The following PPARA variants were observed in gnomAD, a reference collection of about 807,000 sequenced individuals.
The protein encoded by PPARA is peroxisome proliferator-activated receptor alpha.
Under a neutral mutation model 42.2 loss-of-function variants are expected in PPARA, and 22 were observed. The ratio of observed to expected loss-of-function variants is 0.52; its 90% CI spans 0.37 to 0.74. The LOEUF (loss-of-function observed/expected upper bound fraction) is 0.74. Among genes scored for constraint, PPARA ranks in the 30% least tolerant of loss-of-function variants. The pLI is 0.00. For missense variants in PPARA, 465 were observed against 608.2 expected, an observed-to-expected ratio of 0.76 and a Z score of 2.48; for synonymous variants, 242 against 239.3, an observed-to-expected ratio of 1.01 and a Z score of -0.10.
chr22:46,217,244 C>T (rs938973171), intron 5 of PPARA, among the ~76,000 whole-genome samples: 5 of 152,172 alleles, frequency 3.3e-5, no homozygotes, highest in African/African-American at 1.2e-4. Flanking sequence ...TGTCCCTCTC[C>T]CGCGGGCCAA....
intron 3 of PPARA, among the ~76,000 whole-genome samples, chr22:46,197,932 T>A (rs1341170021): frequency 1.4e-5 from 2 of 145,768 alleles, no homozygotes; most frequent in Non-Finnish European, 3.0e-5. Context: ...AAAATTAAAA[T>A]TTAAAATTAA....
At position 46,211,650 on chromosome 22, in the gene PPARA, G is replaced by A. The variant is rs1046399417; in HGVS notation, c.209-3523G>A. On this transcript the variant is annotated intron_variant, in intron 4 of 8. Transcript: ENST00000407236. The surrounding 1 kb of genome is among the most constrained non-coding windows in gnomAD (Gnocchi z 4.1). ...AAGTTCTGTGGGTTTTCACAAATGC[G>A]TAGTGTCATGTATCCACCACTACAT... 3.9e-5 allele frequency among the ~76,000 whole-genome samples: 6 copies of A among 152,132 alleles called. No individual in the cohort carries two copies. Among genetic ancestry groups the A allele is most frequent in the African/African-American group, 7.2e-5 (3 of 41,438 alleles).
Position 46,167,488 on chromosome 22 carries a change from C to T in PPARA, c.-126-9265C>T, listed in dbSNP as rs1050943314. On this transcript the variant is annotated intron_variant, in intron 2 of 8. Coordinates refer to ENST00000407236, the MANE Select transcript of PPARA (RefSeq NM_005036.6). This position sits in a 1 kb window ranked among gnomAD's most constrained non-coding sequence, Gnocchi z 4.1. ...GCAACATAGCGAAACACCGTCTCTACAAAAAAATGAAAAAATTAGTTGAGC... is the reference window on the plus strand; with the variant it reads ...GCAACATAGCGAAACACCGTCTCTATAAAAAAATGAAAAAATTAGTTGAGC... Among the ~76,000 whole-genome samples the T allele has an allele frequency of 6.6e-6, 1 of 151,492 alleles. No individual in the cohort carries two copies. The highest frequency in any genetic ancestry group is 1.5e-5 in the Non-Finnish European group (1 of 67,884).
intron 7 of PPARA, chr22:46,220,457 G>T: frequency 4.0e-6 from 1 of 252,914 alleles, no homozygotes; most frequent in South Asian, 4.4e-5. Context: ...TGGGACTACA[G>T]GTGTGCACCA....
At chr22:46,159,410 C>T (rs1197905193) in intron 2 of PPARA, among the ~76,000 whole-genome samples, 4 of 152,134 alleles carry the variant, frequency 2.6e-5, no homozygotes. Flanking sequence ...GTACGATTGT[C>T]GTTTTTTTCC....
At chr22:46,186,887 G>C (rs917713548) in intron 3 of PPARA, among the ~76,000 whole-genome samples, 5 of 151,998 alleles carry the variant, frequency 3.3e-5, no homozygotes, top group African/African-American at 1.2e-4. Context: ...GCATACCTAT[G>C]ATAAAGTTTA....
rs1033275564 is a variant in PPARA at position 46,233,301 on chromosome 22, C to T, written c.1159+1062C>T. Among the ~76,000 whole-genome samples, 1 of 152,186 alleles carries T rather than the reference C, an allele frequency of 6.6e-6. No homozygotes were observed. The highest frequency in any genetic ancestry group is 1.5e-5 in the Non-Finnish European group (1 of 68,032). ...TCCCAGGGAAGGCCGATCTGGTCCT[C>T]TCTGTGGAAGCTGGCTCTGCAGCCT... On this transcript the variant is annotated intron_variant, in intron 8 of 8. Transcript: ENST00000407236. The surrounding 1 kb of genome is among the most constrained non-coding windows in gnomAD (Gnocchi z 7.3).
At chr22:46,198,192 T>C (rs8135547) in intron 3 of PPARA, 150 bp from the exon 4 acceptor site, 49,790 of 218,288 alleles carry the variant, frequency 0.23, 7,170 homozygotes, top group African/African-American at 0.43. Flanking sequence ...GAGCCGAGAT[T>C]GTGCCCCTGC....
At position 46,179,903 on chromosome 22, in the gene PPARA, T is replaced by G. The variant is rs530845119; in HGVS notation, c.-43+3067T>G. Among the ~76,000 whole-genome samples the G allele has an allele frequency of 7.8e-4, 119 of 152,292 alleles. 3 individuals carry two copies. The South Asian group carries it at 0.014, about 18-fold the overall frequency. On this transcript the variant is annotated intron_variant, in intron 3 of 8. Coordinates refer to ENST00000407236, the MANE Select transcript of PPARA (RefSeq NM_005036.6). ...CCCAGTTTTAAAAATGGGCAAGAGATCTGAACAAACACATTGTCAAAGAAG... is the reference window on the plus strand; with the variant it reads ...CCCAGTTTTAAAAATGGGCAAGAGAGCTGAACAAACACATTGTCAAAGAAG...
chr22:46,152,945 G>A, intron 2 of PPARA, among the ~76,000 whole-genome samples: 1 of 152,186 alleles, frequency 6.6e-6, no homozygotes, highest in East Asian at 1.9e-4. Context: ...TATTGCCTGG[G>A]CATGGTGGCG....
Position 46,192,905 on chromosome 22 carries a change from T to C in PPARA, c.-42-5437T>C, listed in dbSNP as rs1186367668. ...AAGACAAACTTCACATGTTCTCACT[T>C]ATTTGTGGGCTCTAAAAATCAAATC... On this transcript the variant is annotated intron_variant, in intron 3 of 8. Transcript: ENST00000407236. The surrounding 1 kb of genome is among the most constrained non-coding windows in gnomAD (Gnocchi z 4.3). Among the ~76,000 whole-genome samples the C allele has an allele frequency of 6.6e-6, 1 of 152,200 alleles. No individual in the cohort carries two copies.
chr22:46,199,990 A>C (rs1932774115), intron 4 of PPARA, among the ~76,000 whole-genome samples: 1 of 152,172 alleles, frequency 6.6e-6, no homozygotes. Flanking sequence ...CCCAAAGTGC[A>C]GGGATCACAG....
Position 46,217,819 on chromosome 22 carries a change from C to CTTTTTTTTTTTTTTTT in PPARA, c.370-430_370-415dup, listed in dbSNP as rs60894989. The stretch of plus-strand genomic sequence containing the variant: ...GACTTCTTAGAAGAACTATTTCTTT[C>CTTTTTTTTTTTTTTTT]TTTTTTTTTTTTTTTTTTTTTTTTT... On this transcript the variant is annotated intron_variant, in intron 5 of 8. Transcript: ENST00000407236. 2.6e-4 allele frequency among the ~76,000 whole-genome samples: 20 copies of CTTTTTTTTTTTTTTTT among 77,054 alleles called. 3 individuals carry two copies. Among genetic ancestry groups the CTTTTTTTTTTTTTTTT allele is most frequent in the African/African-American group, 1.2e-3 (20 of 16,188 alleles). The allele number at this position is 77,054 out of a possible 152,430, so 50.6% of individuals were successfully genotyped here. A position where few individuals can be genotyped will look rare whatever the true frequency, so the allele number is the denominator to read the frequency against.
At chr22:46,218,890 C>T (rs571478660) in intron 6 of PPARA, among the ~76,000 whole-genome samples, 2 of 147,626 alleles carry the variant, frequency 1.4e-5, no homozygotes, top group African/African-American at 5.0e-5. Context: ...CTCCCAGGTG[C>T]GGTGGTTCAC....
intron 4 of PPARA, among the ~76,000 whole-genome samples, chr22:46,208,011 G>T (rs1270247960): frequency 2.6e-5 from 4 of 151,920 alleles, no homozygotes; most frequent in African/African-American, 9.7e-5. Context: ...CTTCTGGCTT[G>T]CATCGTTTCT....
intron 2 of PPARA, among the ~76,000 whole-genome samples, chr22:46,170,952 G>A (rs548140984): frequency 1.2e-4 from 18 of 151,924 alleles, no homozygotes; most frequent in Admixed American, 3.3e-4. Flanking sequence ...CCTGAGGTCA[G>A]GAGTTCGAGA....
In PPARA at chr22:46,167,812, G is replaced by A. The variant is rs1927299320; in HGVS notation, c.-126-8941G>A. Reference sequence around the variant, plus strand: ...CATTCCAATGCTTTGGGGGACCGAGGTGAGAGGATAGCTTGAGGCCAGGAG... The same window carrying A: ...CATTCCAATGCTTTGGGGGACCGAGATGAGAGGATAGCTTGAGGCCAGGAG... On this transcript the variant is annotated intron_variant, in intron 2 of 8. Coordinates refer to ENST00000407236, the MANE Select transcript of PPARA (RefSeq NM_005036.6). This position sits in a 1 kb window ranked among gnomAD's most constrained non-coding sequence, Gnocchi z 4.1. Among the ~76,000 whole-genome samples the A allele has an allele frequency of 6.6e-6, 1 of 152,046 alleles. No homozygotes were observed. The highest frequency in any genetic ancestry group is 1.5e-5 in the Non-Finnish European group (1 of 68,016).
At position 46,233,449 on chromosome 22, in the gene PPARA, C is replaced by T. The variant is rs1936019030; in HGVS notation, c.1159+1210C>T. On this transcript the variant is annotated intron_variant, in intron 8 of 8. Transcript: ENST00000407236. The surrounding 1 kb of genome is among the most constrained non-coding windows in gnomAD (Gnocchi z 7.3). ...GTTGGTGGAGACAGATGGGGTCTCC[C>T]ACACTGCCTGCAGCCATACTGCGCC... 6.6e-6 allele frequency among the ~76,000 whole-genome samples: 1 copy of T among 152,234 alleles called. No homozygotes were observed. Among genetic ancestry groups the T allele is most frequent in the Non-Finnish European group, 1.5e-5 (1 of 68,040 alleles).
In PPARA at chr22:46,171,913, G is replaced by C. The variant is rs1187178061; in HGVS notation, c.-126-4840G>C. ...CCCCCTTGGGCAGCTTGCAGGGCCC[G>C]GGCAGAAGCTATAGGTGGTTCTGAG... On this transcript the variant is annotated intron_variant, in intron 2 of 8. Transcript: ENST00000407236. This position sits in a 1 kb window ranked among gnomAD's most constrained non-coding sequence, Gnocchi z 5.0. Among the ~76,000 whole-genome samples, 1 of 152,130 alleles carries C rather than the reference G, an allele frequency of 6.6e-6. No individual in the cohort carries two copies. The highest frequency in any genetic ancestry group is 1.5e-5 in the Non-Finnish European group (1 of 68,010).
Sources: allele counts gnomAD v4.1 joint callset (sites outside exome capture counted in the v4.1 genomes callset), GRCh38; gene constraint gnomAD v4.1.1; non-coding constraint Gnocchi (gnomAD v3.1); transcripts MANE v1.5; gene names NCBI Gene and HGNC (gene_info 2026-07-23, HGNC 2026-07-21).